The following PPP3CA variants were observed in gnomAD, a reference collection of about 807,000 sequenced individuals.
The protein encoded by PPP3CA is protein phosphatase 3 catalytic subunit alpha.
PPP3CA carries 14 observed loss-of-function variants against 66.5 expected under a neutral mutation model. The observed-to-expected ratio is 0.21, with a 90% CI of 0.14 to 0.33. The LOEUF (loss-of-function observed/expected upper bound fraction) is 0.33, where lower values mean the gene tolerates loss of function less well. Among genes scored for constraint, PPP3CA ranks in the 10% least tolerant of loss-of-function variants. The pLI is 1.00. For missense variants in PPP3CA, 317 were observed against 639.5 expected, an observed-to-expected ratio of 0.50 and a Z score of 5.44; for synonymous variants, 232 against 226.2, an observed-to-expected ratio of 1.03 and a Z score of -0.23.
chr4:101,215,026 A>G (rs1388943227), intron 1 of PPP3CA, among the ~76,000 whole-genome samples: 1 of 152,082 alleles, frequency 6.6e-6, no homozygotes, highest in Non-Finnish European at 1.5e-5. Flanking sequence ...GTGTAACAGC[A>G]TAACAATGTA....
chr4:101,140,406 C>T (rs112039584), intron 2 of PPP3CA, among the ~76,000 whole-genome samples: 6,046 of 152,242 alleles, frequency 0.04, 201 homozygotes, highest in Middle Eastern at 0.11. Flanking sequence ...CCTATGCAAA[C>T]ACTGGGCCCT....
chr4:101,090,534 C>T lies in PPP3CA; in HGVS notation c.782+3242G>A, dbSNP rs543317907. On this transcript the variant is annotated intron_variant, in intron 6 of 13. Coordinates refer to ENST00000394854, the MANE Select transcript of PPP3CA (RefSeq NM_000944.5). ...GCGCATGCCTGTAATCCCAGCTACTCGGGAGGCTGAGACAGGAGAATCGCT... is the reference window on the plus strand; with the variant it reads ...GCGCATGCCTGTAATCCCAGCTACTTGGGAGGCTGAGACAGGAGAATCGCT... Among the ~76,000 whole-genome samples, 418 of 148,438 alleles carry T rather than the reference C, an allele frequency of 2.8e-3. 3 individuals carry two copies. The highest frequency in any genetic ancestry group is 8.9e-3 in the African/African-American group (358 of 40,290).
At chr4:101,277,277 T>C (rs1237434922) in intron 1 of PPP3CA, among the ~76,000 whole-genome samples, 1 of 152,212 alleles carries the variant, frequency 6.6e-6, no homozygotes, top group Non-Finnish European at 1.5e-5. Flanking sequence ...CATATGGATG[T>C]ACCACAGTTT....
chr4:101,159,994 C>G lies in PPP3CA; in HGVS notation c.259+35922G>C, dbSNP rs942577261. On this transcript the variant is annotated intron_variant, in intron 2 of 13. Coordinates refer to ENST00000394854, the MANE Select transcript of PPP3CA (RefSeq NM_000944.5). ...TCTGTCTGATTCTTACTGAAAATAG[C>G]CCAATAGAAAAAATATTCATGTATG... Among the ~76,000 whole-genome samples the G allele has an allele frequency of 4.6e-5, 7 of 151,818 alleles. 1 individual carries two copies. Among genetic ancestry groups the G allele is most frequent in the Admixed American group, 3.3e-4 (5 of 15,218 alleles).
At chr4:101,155,010 T>C (rs1240195145) in intron 2 of PPP3CA, among the ~76,000 whole-genome samples, 2 of 151,742 alleles carry the variant, frequency 1.3e-5, no homozygotes, top group Admixed American at 1.3e-4. Context: ...AGAGACGGGG[T>C]TTCACCATGT....
At chr4:101,250,927 GT>G (rs1726654890) in intron 1 of PPP3CA, among the ~76,000 whole-genome samples, 1 of 152,006 alleles carries the variant, frequency 6.6e-6, no homozygotes, top group South Asian at 2.1e-4. Flanking sequence ...CGAACAATCA[GT>G]TTGGTATGAT....
intron 2 of PPP3CA, among the ~76,000 whole-genome samples, chr4:101,112,567 A>T (rs1721708314): frequency 6.6e-6 from 1 of 152,172 alleles, no homozygotes; most frequent in Non-Finnish European, 1.5e-5. Flanking sequence ...ATAATCATAG[A>T]AAAATTCAAA....
chr4:101,207,148 C>T (rs994811865), intron 1 of PPP3CA, among the ~76,000 whole-genome samples: 17 of 152,124 alleles, frequency 1.1e-4, no homozygotes, highest in African/African-American at 4.1e-4. Flanking sequence ...GCAAAATTAT[C>T]CCTGTAACAA....
rs1727423596 is a variant in PPP3CA, at chr4:101,039,794, GT to G, written c.1241+687del. On this transcript the variant is annotated intron_variant, in intron 11 of 13. Coordinates refer to ENST00000394854, the MANE Select transcript of PPP3CA (RefSeq NM_000944.5). ...TTGTAGATGTAATATTTCCCAAGGT[GT>G]TCCTATTTACTCGCTAATATGTATC... 3.5e-5 allele frequency among the ~76,000 whole-genome samples: 5 copies of G among 144,254 alleles called. No individual in the cohort carries two copies. In the South Asian group the frequency reaches 1.2e-3, roughly 34 times the overall value. 94.6% of individuals were successfully genotyped at this position (144,254 alleles called of 152,430 possible).
intron 1 of PPP3CA, among the ~76,000 whole-genome samples, chr4:101,225,882 A>T (rs1380617577): frequency 1.3e-5 from 2 of 151,938 alleles, no homozygotes; most frequent in Middle Eastern, 3.4e-3. Context: ...CAATCAAGTT[A>T]TCAGTTTCTC....
intron 1 of PPP3CA, among the ~76,000 whole-genome samples, chr4:101,257,960 C>T (rs1442105632): frequency 6.6e-6 from 1 of 152,032 alleles, no homozygotes; most frequent in East Asian, 1.9e-4. Context: ...TTATGTCCTA[C>T]TTGTCCAGAG....
intron 1 of PPP3CA, among the ~76,000 whole-genome samples, chr4:101,344,101 T>G (rs992340887): frequency 1.3e-5 from 2 of 152,194 alleles, no homozygotes; most frequent in African/African-American, 4.8e-5. Context: ...CTTTTCTGTA[T>G]TAAAGAATGA....
intron 1 of PPP3CA, among the ~76,000 whole-genome samples, chr4:101,208,903 C>G (rs1432774635): frequency 5.9e-5 from 9 of 151,984 alleles, no homozygotes; most frequent in African/African-American, 2.2e-4. Flanking sequence ...GGTTTATTTT[C>G]TTAAATGATA....
intron 1 of PPP3CA, among the ~76,000 whole-genome samples, chr4:101,215,626 A>G (rs1184930471): frequency 6.6e-6 from 1 of 152,086 alleles, no homozygotes; most frequent in Non-Finnish European, 1.5e-5. Context: ...AAGTTCAATT[A>G]TGTGTACCAG....
intron 1 of PPP3CA, among the ~76,000 whole-genome samples, chr4:101,233,862 AG>A (rs1370621218): frequency 6.6e-6 from 1 of 151,662 alleles, no homozygotes; most frequent in African/African-American, 2.4e-5. Flanking sequence ...TTCATCACTC[AG>A]GTAGGAGGCG....
At chr4:101,092,110 C>T (rs1432296645) in intron 6 of PPP3CA, among the ~76,000 whole-genome samples, 1 of 151,810 alleles carries the variant, frequency 6.6e-6, no homozygotes, top group African/African-American at 2.4e-5. Flanking sequence ...TTGCAGATTC[C>T]TTTCTGAAGT....
At chr4:101,268,263 A>G (rs1727229494) in intron 1 of PPP3CA, among the ~76,000 whole-genome samples, 1 of 152,166 alleles carries the variant, frequency 6.6e-6, no homozygotes, top group African/African-American at 2.4e-5. Context: ...ACTAAAGCAA[A>G]TGGAAAAGAG....
intron 5 of PPP3CA, among the ~76,000 whole-genome samples, chr4:101,096,757 TGGTTATCA>T (rs1730212565): frequency 6.6e-6 from 1 of 152,194 alleles, no homozygotes; most frequent in Non-Finnish European, 1.5e-5. Flanking sequence ...TTTCAATAAG[TGGTTATCA>T]GGTTAATATG....
At chr4:101,136,923 T>G (rs2110287785) in intron 2 of PPP3CA, among the ~76,000 whole-genome samples, 1 of 152,130 alleles carries the variant, frequency 6.6e-6, no homozygotes, top group African/African-American at 2.4e-5. Flanking sequence ...TGCTTATAAC[T>G]CAAAGAGACA....
Sources: gnomAD v4.1 joint callset for allele counts (sites outside exome capture counted in the v4.1 genomes callset) on GRCh38, gnomAD v4.1.1 for gene constraint, MANE v1.5 for transcripts, NCBI Gene and HGNC (gene_info 2026-07-23, HGNC 2026-07-21) for gene names.